The following PCDHGA12 variants were observed in gnomAD, a reference collection of about 807,000 sequenced individuals.
PCDHGA12 encodes protocadherin gamma-A12.
Under a neutral mutation model 61.1 loss-of-function variants are expected in PCDHGA12, and 43 were observed. The ratio of observed to expected loss-of-function variants is 0.70; its 90% CI spans 0.55 to 0.91. The LOEUF (loss-of-function observed/expected upper bound fraction) is 0.91, where lower values mean the gene tolerates loss of function less well. PCDHGA12 is among the 40% of genes least tolerant of loss of function. The pLI is 0.00. For synonymous variants in PCDHGA12, 520 were observed against 542.9 expected (o/e 0.96, Z 0.59); for missense variants, 1,236 against 1,227.7 (o/e 1.01, Z -0.10).
At chr5:141,480,178 C>T (rs143309515) in intron 1 of PCDHGA12, among the ~76,000 whole-genome samples, 346 of 150,752 alleles carry the variant, frequency 2.3e-3, no homozygotes, top group Non-Finnish European at 2.8e-3. Flanking sequence ...CTGAGGCAGG[C>T]GGATTGCTTG....
In PCDHGA12 at chr5:141,491,927, G is replaced by A. The variant is rs1314503730; in HGVS notation, c.2425-2880G>A. 3 of 1,309,982 alleles carry A rather than the reference G, an allele frequency of 2.3e-6. No individual in the cohort carries two copies. In the African/African-American group the frequency reaches 4.5e-5, roughly 20 times the overall value. 81.1% of individuals were successfully genotyped at this position (1,309,982 alleles called of 1,614,324 possible). A position where few individuals can be genotyped will look rare whatever the true frequency, so the allele number is the denominator to read the frequency against. On this transcript the variant is annotated intron_variant, in intron 1 of 3. Coordinates refer to ENST00000252085, the MANE Select transcript of PCDHGA12 (RefSeq NM_003735.3). The surrounding 1 kb of genome is among the most constrained non-coding windows in gnomAD (Gnocchi z 6.9). ...GTGGTGGCGACTGTGGGCGAGGGGAGGTGGGACCGACCCCCACCCCTACAC... is the reference window on the plus strand; with the variant it reads ...GTGGTGGCGACTGTGGGCGAGGGGAAGTGGGACCGACCCCCACCCCTACAC...
At chr5:141,496,886 C>T (rs1562175671) in intron 2 of PCDHGA12, among the ~76,000 whole-genome samples, 1 of 135,246 alleles carries the variant, frequency 7.4e-6, no homozygotes, top group African/African-American at 2.9e-5. Context: ...ACAAGTAACA[C>T]TTAAAAAAAA....
At position 141,489,078 on chromosome 5, in the gene PCDHGA12, G is replaced by A. The variant is rs990356560; in HGVS notation, c.2425-5729G>A. ...GCTCCCCTCCCCCCTGCCCACCCCC[G>A]CCACTCGGTGACTAAGAACTGCTGC... On this transcript the variant is annotated intron_variant, in intron 1 of 3. Transcript: ENST00000252085. The surrounding 1 kb of genome is among the most constrained non-coding windows in gnomAD (Gnocchi z 4.5). 6.9e-5 allele frequency: 11 copies of A among 160,224 alleles called. 1 individual carries two copies. Among genetic ancestry groups the A allele is most frequent in the Admixed American group, 3.7e-4 (4 of 10,708 alleles). The allele number at this position is 160,224 out of a possible 1,614,324, so 9.9% of individuals were successfully genotyped here.
intron 1 of PCDHGA12, among the ~76,000 whole-genome samples, chr5:141,456,544 G>C (rs1020609068): frequency 6.6e-6 from 1 of 152,192 alleles, no homozygotes; most frequent in Non-Finnish European, 1.5e-5. Context: ...AGGGATTGTA[G>C]CCACTCGGGG....
At position 141,485,791 on chromosome 5, in the gene PCDHGA12, G is replaced by A; in HGVS notation, c.2425-9016G>A. The A allele has an allele frequency of 6.2e-7, 1 of 1,614,196 alleles. No homozygotes were observed. The highest frequency in any genetic ancestry group is 8.5e-7 in the Non-Finnish European group (1 of 1,180,032). ...AGCCTTTGGATCGAGAGAAGCAATC[G>A]GACTACCGCCTGGTGCTGACTGCTG... On this transcript the variant is annotated intron_variant, in intron 1 of 3. Transcript: ENST00000252085. The surrounding 1 kb of genome is among the most constrained non-coding windows in gnomAD (Gnocchi z 5.7).
chr5:141,489,364 G>A lies in PCDHGA12; in HGVS notation c.2425-5443G>A, dbSNP rs2099686163. On this transcript the variant is annotated intron_variant, in intron 1 of 3. Coordinates refer to ENST00000252085, the MANE Select transcript of PCDHGA12 (RefSeq NM_003735.3). The surrounding 1 kb of genome is among the most constrained non-coding windows in gnomAD (Gnocchi z 4.5). The stretch of plus-strand genomic sequence containing the variant: ...CTCAGTGGTGGAGGAGTCTGAGCCG[G>A]GGACGCTGGTGGGGAATGTTGCTCA... 1 of 1,613,450 alleles carries A rather than the reference G, an allele frequency of 6.2e-7. No homozygotes were observed. The highest frequency in any genetic ancestry group is 1.1e-5 in the South Asian group (1 of 91,042).
chr5:141,491,802 G>C lies in PCDHGA12; in HGVS notation c.2425-3005G>C, dbSNP rs759587995. 1 of 1,497,480 alleles carries C rather than the reference G, an allele frequency of 6.7e-7. No homozygotes were observed. The highest frequency in any genetic ancestry group is 1.3e-5 in the South Asian group (1 of 74,938). The allele number at this position is 1,497,480 out of a possible 1,614,324, so 92.8% of individuals were successfully genotyped here. A position where few individuals can be genotyped will look rare whatever the true frequency, so the allele number is the denominator to read the frequency against. On this transcript the variant is annotated intron_variant, in intron 1 of 3. Coordinates refer to ENST00000252085, the MANE Select transcript of PCDHGA12 (RefSeq NM_003735.3). The surrounding 1 kb of genome is among the most constrained non-coding windows in gnomAD (Gnocchi z 6.9). ...ACTTGCATCCACTCCTCTCCGGCCG[G>C]CTTGGTCGCTGGCTGCGCTCCACCC...
In PCDHGA12 at chr5:141,493,550, T is replaced by C. The variant is rs978188511; in HGVS notation, c.2425-1257T>C. On this transcript the variant is annotated intron_variant, in intron 1 of 3. Coordinates refer to ENST00000252085, the MANE Select transcript of PCDHGA12 (RefSeq NM_003735.3). This position sits in a 1 kb window ranked among gnomAD's most constrained non-coding sequence, Gnocchi z 4.3. Reference sequence around the variant, plus strand: ...ACTTGGCCAGTTATCCTTTTGGAGATTGAGTTCCCCCAGCTCCGTTTCCTC... The same window carrying C: ...ACTTGGCCAGTTATCCTTTTGGAGACTGAGTTCCCCCAGCTCCGTTTCCTC... Among the ~76,000 whole-genome samples the C allele has an allele frequency of 1.3e-5, 2 of 152,172 alleles. No homozygotes were observed. The highest frequency in any genetic ancestry group is 2.4e-5 in the African/African-American group (1 of 41,430).
At position 141,489,244 on chromosome 5, in the gene PCDHGA12, G is replaced by C. The variant is rs145484133; in HGVS notation, c.2425-5563G>C. The C allele has an allele frequency of 3.3e-6, 5 of 1,534,936 alleles. No homozygotes were observed. Among genetic ancestry groups the C allele is most frequent in the African/African-American group, 1.4e-5 (1 of 72,374 alleles). On this transcript the variant is annotated intron_variant, in intron 1 of 3. Transcript: ENST00000252085. This position sits in a 1 kb window ranked among gnomAD's most constrained non-coding sequence, Gnocchi z 4.5. ...TCCACAAAGGGACTTCTGGGTCATGGGGCCCAAGACACTCCCACAGCTCGC... is the reference window on the plus strand; with the variant it reads ...TCCACAAAGGGACTTCTGGGTCATGCGGCCCAAGACACTCCCACAGCTCGC...
chr5:141,490,730 A>C lies in PCDHGA12; in HGVS notation c.2425-4077A>C. On this transcript the variant is annotated intron_variant, in intron 1 of 3. Coordinates refer to ENST00000252085, the MANE Select transcript of PCDHGA12 (RefSeq NM_003735.3). This position sits in a 1 kb window ranked among gnomAD's most constrained non-coding sequence, Gnocchi z 5.4. ...CTCACCTACTCCATTGTAGGAAATC[A>C]GGTTCAGGGAGCCCCAGCCTCCTCC... 6.2e-7 allele frequency: 1 copy of C among 1,614,188 alleles called. No homozygotes were observed. Among genetic ancestry groups the C allele is most frequent in the Non-Finnish European group, 8.5e-7 (1 of 1,180,024 alleles).
chr5:141,508,091 GCCC>G (rs2099866180), intron 3 of PCDHGA12: 1 of 152,482 alleles, frequency 6.6e-6, no homozygotes, highest in Non-Finnish European at 1.5e-5. Flanking sequence ...TGCTGCCTTG[GCCC>G]TGGGATGGGG....
rs539878473 is a variant in PCDHGA12 at position 141,501,595 on chromosome 5, C to T, written c.2484-3798C>T. Reference sequence around the variant, plus strand: ...GCTGGCTTTCAGGTTGCAACTCTACCAGTTCCAGCTGTGTGACTCTGGTAT... The same window carrying T: ...GCTGGCTTTCAGGTTGCAACTCTACTAGTTCCAGCTGTGTGACTCTGGTAT... On this transcript the variant is annotated intron_variant, in intron 2 of 3. Coordinates refer to ENST00000252085, the MANE Select transcript of PCDHGA12 (RefSeq NM_003735.3). Among the ~76,000 whole-genome samples the T allele has an allele frequency of 9.9e-5, 15 of 152,164 alleles. No homozygotes were observed. In the East Asian group the frequency reaches 2.9e-3, roughly 30 times the overall value.
intron 1 of PCDHGA12, among the ~76,000 whole-genome samples, chr5:141,471,014 G>A (rs2099246573): frequency 6.7e-6 from 1 of 148,628 alleles, no homozygotes; most frequent in Non-Finnish European, 1.5e-5. Context: ...ACTGTGCCTG[G>A]TCAATCATTT....
In PCDHGA12 at chr5:141,431,187, G is replaced by C. The variant is rs748150837; in HGVS notation, c.428G>C (p.Ser143Thr). Residue 143 changes from serine (S) to threonine (T), a missense_variant, in exon 1 of 4, where the codon AGT (serine) becomes ACT (threonine). Transcript: ENST00000252085. This position sits in a 1 kb window ranked among gnomAD's most constrained non-coding sequence, Gnocchi z 4.8. ...GAAAGTGAATTAGAAATAAAAATTAGTGAAAATGCAGCCACTGAGATGCGG... is the reference window on the plus strand; with the variant it reads ...GAAAGTGAATTAGAAATAAAAATTACTGAAAATGCAGCCACTGAGATGCGG... ...FRESELEIKI[S>T]ENAATEMRFP... is the part of the protein sequence containing the mutation. 4.3e-6 allele frequency: 7 copies of C among 1,614,102 alleles called. No homozygotes were observed. The Admixed American group carries it at 1.2e-4, about 27-fold the overall frequency.
rs530001704 is a variant in PCDHGA12, at chr5:141,434,708, ATC to A, written c.2424+1529_2424+1530del. 3.9e-3 allele frequency among the ~76,000 whole-genome samples: 589 copies of A among 152,052 alleles called. 6 individuals are homozygous for A. The highest frequency in any genetic ancestry group is 0.011 in the Admixed American group (170 of 15,250). ...TTGCTGTTAATAAATATGTGGGTAA[ATC>A]TCTGTTCAGGGCTCTCAGCTCTGAA... On this transcript the variant is annotated intron_variant, in intron 1 of 3. Coordinates refer to ENST00000252085, the MANE Select transcript of PCDHGA12 (RefSeq NM_003735.3).
At position 141,487,030 on chromosome 5, in the gene PCDHGA12, T is replaced by C. The variant is rs773121109; in HGVS notation, c.2425-7777T>C. Reference sequence around the variant, plus strand: ...TGGAGGCCCCAGATCCCAGCCTGTTTGCAGTCTCTCGATATGCTGGGGAGG... The same window carrying C: ...TGGAGGCCCCAGATCCCAGCCTGTTCGCAGTCTCTCGATATGCTGGGGAGG... On this transcript the variant is annotated intron_variant, in intron 1 of 3. Coordinates refer to ENST00000252085, the MANE Select transcript of PCDHGA12 (RefSeq NM_003735.3). The surrounding 1 kb of genome is among the most constrained non-coding windows in gnomAD (Gnocchi z 5.0). 12 of 1,614,100 alleles carry C rather than the reference T, an allele frequency of 7.4e-6. No homozygotes were observed. Among genetic ancestry groups the C allele is most frequent in the Non-Finnish European group, 1.0e-5 (12 of 1,180,044 alleles).
intron 1 of PCDHGA12, among the ~76,000 whole-genome samples, chr5:141,443,829 A>G (rs1387307023): frequency 6.6e-6 from 1 of 152,228 alleles, no homozygotes; most frequent in Non-Finnish European, 1.5e-5. Flanking sequence ...ATAATTAGGT[A>G]AAATGGGTAA....
rs773048793 is a variant in PCDHGA12, at chr5:141,505,456, A to T, written c.2547A>T (p.Gln849His). The T allele has an allele frequency of 1.3e-5, 21 of 1,614,110 alleles. No homozygotes were observed. The highest frequency in any genetic ancestry group is 1.7e-5 in the Non-Finnish European group (20 of 1,180,044). The change falls in exon 3 of 4, where the codon CAA becomes CAT. Residue 849 changes from glutamine (Q) to histidine (H), a missense_variant. By Grantham distance (24) the Gln-to-His change is conservative (BLOSUM62 0). Coordinates refer to ENST00000252085, the MANE Select transcript of PCDHGA12 (RefSeq NM_003735.3). ...ACCAGTTTGACACAGAGATGCTGCA[A>T]GCCATGATCTTGGCGTCCGCCAGTG... ...PNNQFDTEML[Q>H]AMILASASEA...
chr5:141,434,506 T>C (rs2154556236), intron 1 of PCDHGA12, among the ~76,000 whole-genome samples: 2 of 152,344 alleles, frequency 1.3e-5, no homozygotes, highest in East Asian at 3.9e-4. Context: ...GGCAGAAAAC[T>C]GCTTAAAGGT....
Sources: allele counts gnomAD v4.1 joint callset (sites outside exome capture counted in the v4.1 genomes callset), GRCh38; gene constraint gnomAD v4.1.1; non-coding constraint Gnocchi (gnomAD v3.1); transcripts MANE v1.5; gene names NCBI Gene and HGNC (gene_info 2026-07-23, HGNC 2026-07-21).